PIK3C2G: variants seen among roughly 807,000 people sequenced by gnomAD.
PIK3C2G encodes phosphatidylinositol-4-phosphate 3-kinase catalytic subunit type 2 gamma.
PIK3C2G carries 168 observed loss-of-function variants against 181.1 expected under a neutral mutation model. The observed-to-expected ratio is 0.93, with a 90% CI of 0.82 to 1.05. PIK3C2G has a LOEUF of 1.05. PIK3C2G is among the 50% of genes least tolerant of loss of function. The pLI is 0.00. For synonymous variants in PIK3C2G, 573 were observed against 592.2 expected (o/e 0.97, Z 0.47); for missense variants, 1,869 against 1,732.8 (o/e 1.08, Z -1.40).
chr12:18,382,979 C>G (rs1942939352), intron 14 of PIK3C2G, among the ~76,000 whole-genome samples: 1 of 152,146 alleles, frequency 6.6e-6, no homozygotes, highest in Admixed American at 6.5e-5. Context: ...AGGTCCACTT[C>G]TAATCTGTGG....
intron 19 of PIK3C2G, among the ~76,000 whole-genome samples, chr12:18,489,348 G>A (rs1025488233): frequency 6.6e-4 from 101 of 152,158 alleles, no homozygotes; most frequent in Middle Eastern, 3.4e-3. Flanking sequence ...ATAGAAAGAT[G>A]ACCAAAACAT....
intron 29 of PIK3C2G, among the ~76,000 whole-genome samples, chr12:18,576,263 T>C (rs1406915383): frequency 6.6e-6 from 1 of 152,200 alleles, no homozygotes; most frequent in Non-Finnish European, 1.5e-5. Flanking sequence ...TTGTAGAGAA[T>C]GATCGTGGGA....
chr12:18,630,586 G>A (rs369512735), intron 31 of PIK3C2G, among the ~76,000 whole-genome samples: 21 of 152,114 alleles, frequency 1.4e-4, no homozygotes, highest in African/African-American at 4.8e-4. Context: ...ATGTGGAGTC[G>A]GGGAAGAAGT....
At chr12:18,706,379 A>T in the PIK3C2G span, among the ~76,000 whole-genome samples, 1 of 152,222 alleles carries the variant, frequency 6.6e-6, no homozygotes, top group African/African-American at 2.4e-5. Flanking sequence ...TAGAGATTTT[A>T]AAAAGTGAAA....
chr12:18,568,888 T>TC (rs1945781552), intron 29 of PIK3C2G, among the ~76,000 whole-genome samples: 2 of 152,178 alleles, frequency 1.3e-5, no homozygotes, highest in African/African-American at 4.8e-5. Context: ...CTATTTTTTT[T>TC]CACTTTGAAA....
At chr12:18,559,557 G>C (rs1945185258) in intron 26 of PIK3C2G, among the ~76,000 whole-genome samples, 1 of 151,328 alleles carries the variant, frequency 6.6e-6, no homozygotes. Flanking sequence ...CAAGGGTGAG[G>C]GTTCTGTGGC....
At chr12:18,382,964 C>A (rs1942938135) in intron 14 of PIK3C2G, among the ~76,000 whole-genome samples, 1 of 152,036 alleles carries the variant, frequency 6.6e-6, no homozygotes, top group Non-Finnish European at 1.5e-5. Context: ...CCACGTGACA[C>A]CTAAAGGTCC....
intron 30 of PIK3C2G, among the ~76,000 whole-genome samples, chr12:18,599,309 TATGCAGCCATAAAAAATGATGAG>T (rs1164814975): frequency 8.7e-4 from 133 of 152,286 alleles, no homozygotes; most frequent in Middle Eastern, 3.4e-3. Flanking sequence ...CATGGAATAC[TATGCAGCCATAAAAAATGATGAG>T]TTCATGTCCT....
rs1555153547 is a variant in PIK3C2G at position 18,303,141 on chromosome 12, T to TC, written c.1034+9126_1034+9127insC. Among the ~76,000 whole-genome samples, 47 of 110,204 alleles carry TC rather than the reference T, an allele frequency of 4.3e-4. No homozygotes were observed. The East Asian group carries it at 7.7e-3, about 18-fold the overall frequency. The allele number at this position is 110,204 out of a possible 152,430, so 72.3% of individuals were successfully genotyped here. ...TTCTTTCTTTCTTTCTTTCTTTCTT[T>TC]TCTTTTCTTTCTTCTTTCTCTTTCT... On this transcript the variant is annotated intron_variant, in intron 5 of 32. Coordinates refer to ENST00000538779, the MANE Select transcript of PIK3C2G (RefSeq NM_001288772.2).
At chr12:18,676,453 G>A in the PIK3C2G span, among the ~76,000 whole-genome samples, 55 of 152,192 alleles carry the variant, frequency 3.6e-4, no homozygotes, top group African/African-American at 1.3e-3. Context: ...CAGTGAAAAT[G>A]CCTGCATTTG....
upstream of PIK3C2G, among the ~76,000 whole-genome samples, chr12:18,246,323 AT>A (rs1235157064): frequency 6.6e-6 from 1 of 152,120 alleles, no homozygotes; most frequent in Non-Finnish European, 1.5e-5. Flanking sequence ...TAGAAAGCTG[AT>A]ATTTTCAGCC....
chr12:18,307,211 G>T (rs1950455514), intron 5 of PIK3C2G, among the ~76,000 whole-genome samples: 1 of 60,562 alleles, frequency 1.7e-5, no homozygotes, highest in African/African-American at 9.2e-5. Flanking sequence ...TAGGAAATAA[G>T]GGTAATTATG....
chr12:18,457,227 T>C, intron 18 of PIK3C2G, among the ~76,000 whole-genome samples: 1 of 152,310 alleles, frequency 6.6e-6, no homozygotes, highest in East Asian at 1.9e-4. Flanking sequence ...CATATAAATA[T>C]AAAATTGATG....
the PIK3C2G span, among the ~76,000 whole-genome samples, chr12:18,654,817 C>T: frequency 3.9e-5 from 6 of 152,122 alleles, no homozygotes; most frequent in East Asian, 9.7e-4. Flanking sequence ...TCGAACTCAC[C>T]GACTTCATCT....
intron 1 of PIK3C2G, among the ~76,000 whole-genome samples, chr12:18,278,911 T>C (rs1949096116): frequency 6.6e-6 from 1 of 152,098 alleles, no homozygotes; most frequent in Non-Finnish European, 1.5e-5. Context: ...TGTGTTTTTA[T>C]TACATTTTCA....
At chr12:18,608,007 T>C (rs1467204059) in intron 30 of PIK3C2G, among the ~76,000 whole-genome samples, 1 of 152,106 alleles carries the variant, frequency 6.6e-6, no homozygotes, top group Non-Finnish European at 1.5e-5. Context: ...TGAGATACCA[T>C]CTCACACCAG....
At chr12:18,573,194 A>G (rs1054095673) in intron 29 of PIK3C2G, among the ~76,000 whole-genome samples, 15 of 152,170 alleles carry the variant, frequency 9.9e-5, no homozygotes, top group African/African-American at 3.6e-4. Context: ...CTAGGTTACT[A>G]TTATCTTAGT....
intron 24 of PIK3C2G, among the ~76,000 whole-genome samples, chr12:18,527,573 A>G (rs559567000): frequency 4.6e-5 from 7 of 152,164 alleles, no homozygotes; most frequent in Non-Finnish European, 1.0e-4. Context: ...TGTTTTCCTC[A>G]TATCCAGACT....
intron 24 of PIK3C2G, among the ~76,000 whole-genome samples, chr12:18,522,104 C>T (rs1942959967): frequency 6.6e-6 from 1 of 152,200 alleles, no homozygotes; most frequent in African/African-American, 2.4e-5. Flanking sequence ...AACCTGGATA[C>T]CTTAATTGCC....
Sources: gnomAD v4.1 joint callset for allele counts (sites outside exome capture counted in the v4.1 genomes callset) on GRCh38, gnomAD v4.1.1 for gene constraint, MANE v1.5 for transcripts, NCBI Gene and HGNC (gene_info 2026-07-23, HGNC 2026-07-21) for gene names.